Variants in CAMK1D observed in about 807,000 individuals in gnomAD.
CAMK1D encodes the protein calcium/calmodulin-dependent protein kinase type 1D.
In CAMK1D, 9 loss-of-function variants were observed where a neutral mutation model predicts 47.7. That is an observed-to-expected ratio of 0.19 (90% CI 0.11 to 0.33). The LOEUF is 0.33. Ranked by LOEUF, CAMK1D falls within the 10% of genes least tolerant of loss-of-function variation. The pLI, the probability that CAMK1D is intolerant of heterozygous loss-of-function variation, is 1.00. For synonymous variants in CAMK1D, 184 were observed against 184.9 expected (o/e 0.99, Z 0.04); for missense variants, 291 against 488.7 (o/e 0.60, Z 3.81).
At position 12,644,319 on chromosome 10, in the gene CAMK1D, C is replaced by G. The variant is rs577710005; in HGVS notation, c.225-22417C>G. On this transcript the variant is annotated intron_variant, in intron 2 of 10. Transcript: ENST00000619168. Reference sequence around the variant, plus strand: ...TGTTCCTTTTTCCATTAATGTGAGTCAAAAAAATAAATACAACCCAAACCC... The same window carrying G: ...TGTTCCTTTTTCCATTAATGTGAGTGAAAAAAATAAATACAACCCAAACCC... 2.0e-5 allele frequency among the ~76,000 whole-genome samples: 3 copies of G among 152,150 alleles called. No homozygotes were observed. In the East Asian group the frequency reaches 5.8e-4, roughly 29 times the overall value.
At chr10:12,735,205 G>A (rs540844332) in intron 3 of CAMK1D, among the ~76,000 whole-genome samples, 24 of 152,296 alleles carry the variant, frequency 1.6e-4, no homozygotes, top group African/African-American at 5.5e-4. Context: ...GGCCGGGCGC[G>A]GTGGCTCACG....
rs74882639 is a variant in CAMK1D at position 12,405,309 on chromosome 10, T to G, written c.92+55399T>G. The stretch of plus-strand genomic sequence containing the variant: ...GCCCATGGTCAGAGATGTGGGGACT[T>G]TGTAAAGTAATATTTCATCTCTAGT... On this transcript the variant is annotated intron_variant, in intron 1 of 10. Coordinates refer to ENST00000619168, the MANE Select transcript of CAMK1D (RefSeq NM_153498.4). Among the ~76,000 whole-genome samples, 1,494 of 152,270 alleles carry G rather than the reference T, an allele frequency of 9.8e-3. 25 individuals carry two copies. The highest frequency in any genetic ancestry group is 0.034 in the African/African-American group (1,402 of 41,534).
At chr10:12,721,545 T>C (rs79035629) in intron 3 of CAMK1D, among the ~76,000 whole-genome samples, 4,436 of 137,110 alleles carry the variant, frequency 0.032, 110 homozygotes, top group African/African-American at 0.076. Context: ...TCCATCCATC[T>C]ATCCATCCAT....
chr10:12,781,984 T>G (rs1396853168), intron 5 of CAMK1D, among the ~76,000 whole-genome samples: 1 of 151,050 alleles, frequency 6.6e-6, no homozygotes, highest in East Asian at 1.9e-4. Flanking sequence ...TTTTTTTTTT[T>G]TTTTTTTTGC....
At chr10:12,417,389 G>A (rs1223009871) in intron 1 of CAMK1D, among the ~76,000 whole-genome samples, 1 of 152,150 alleles carries the variant, frequency 6.6e-6, no homozygotes, top group African/African-American at 2.4e-5. Context: ...AGGAATTTTG[G>A]GGATACTGCT....
chr10:12,717,538 G>A (rs982823306), intron 3 of CAMK1D, among the ~76,000 whole-genome samples: 5 of 151,192 alleles, frequency 3.3e-5, no homozygotes, highest in South Asian at 4.2e-4. Context: ...TTTTCTCCAC[G>A]AAAAAAAGAT....
chr10:12,625,729 A>G (rs1024523479), intron 2 of CAMK1D, among the ~76,000 whole-genome samples: 1 of 151,600 alleles, frequency 6.6e-6, no homozygotes, highest in Non-Finnish European at 1.5e-5. Flanking sequence ...TGCTTTTTTA[A>G]TGTGTGTATT....
chr10:12,406,844 A>G (rs1194954789), intron 1 of CAMK1D, among the ~76,000 whole-genome samples: 1 of 148,516 alleles, frequency 6.7e-6, no homozygotes, highest in Non-Finnish European at 1.5e-5. Flanking sequence ...AGTTGTCCTT[A>G]TGTGGGCTAT....
chr10:12,754,370 C>T (rs1226901126), intron 3 of CAMK1D, among the ~76,000 whole-genome samples: 4 of 152,304 alleles, frequency 2.6e-5, no homozygotes, highest in South Asian at 4.1e-4. Flanking sequence ...CTGGACTACA[C>T]ACCAGATGGA....
At position 12,754,463 on chromosome 10, in the gene CAMK1D, A is replaced by G. The variant is rs77866396; in HGVS notation, c.300-6485A>G. Among the ~76,000 whole-genome samples, 881 of 152,334 alleles carry G rather than the reference A, an allele frequency of 5.8e-3. 7 individuals are homozygous for G. The highest frequency in any genetic ancestry group is 0.02 in the African/African-American group (818 of 41,582). ...AACAAAGCACAATAAAGTAGCAAAC[A>G]TGGTGGGTGGGTTTTCCCCAATAAA... On this transcript the variant is annotated intron_variant, in intron 3 of 10. Coordinates refer to ENST00000619168, the MANE Select transcript of CAMK1D (RefSeq NM_153498.4).
chr10:12,771,397 A>G (rs1216327849), intron 5 of CAMK1D, among the ~76,000 whole-genome samples: 1 of 152,200 alleles, frequency 6.6e-6, no homozygotes, highest in Admixed American at 6.5e-5. Context: ...CCTCAAACTA[A>G]AGGAGATACA....
chr10:12,430,252 G>A (rs1313584134), intron 1 of CAMK1D, among the ~76,000 whole-genome samples: 1 of 152,128 alleles, frequency 6.6e-6, no homozygotes, highest in Non-Finnish European at 1.5e-5. Flanking sequence ...TGAAAAGACG[G>A]ATTGCTCAGC....
chr10:12,380,672 CG>C, intron 1 of CAMK1D, among the ~76,000 whole-genome samples: 1 of 152,218 alleles, frequency 6.6e-6, no homozygotes, highest in Admixed American at 6.5e-5. Flanking sequence ...CTGGCTAACA[CG>C]GTGAAACCCC....
chr10:12,619,631 T>C (rs1011220266), intron 2 of CAMK1D, among the ~76,000 whole-genome samples: 37 of 152,170 alleles, frequency 2.4e-4, no homozygotes, highest in African/African-American at 8.9e-4. Context: ...ATTTTAACAT[T>C]TTAATTTCAA....
rs373119553 is a variant in CAMK1D, at chr10:12,651,928, G to A, written c.225-14808G>A. Among the ~76,000 whole-genome samples the A allele has an allele frequency of 4.0e-4, 61 of 151,882 alleles. No homozygotes were observed. In the East Asian group the frequency reaches 4.5e-3, roughly 11 times the overall value. On this transcript the variant is annotated intron_variant, in intron 2 of 10. Transcript: ENST00000619168. ...CAAGTAGCTGGGACTACAGGTGCCC[G>A]CCACCACGCCCCGCTAATTTTTTTG...
At chr10:12,485,925 A>G (rs902081038) in intron 1 of CAMK1D, among the ~76,000 whole-genome samples, 2 of 152,118 alleles carry the variant, frequency 1.3e-5, no homozygotes, top group African/African-American at 2.4e-5. Context: ...TGTCCATCCC[A>G]GGCTCTGGCT....
chr10:12,790,435 CCTTGAGCTGA>C (rs1378394865), intron 5 of CAMK1D, among the ~76,000 whole-genome samples: 3 of 152,158 alleles, frequency 2.0e-5, no homozygotes, highest in Non-Finnish European at 4.4e-5. Flanking sequence ...AGAAATGTTG[CCTTGAGCTGA>C]CTTGAGGTGA....
In CAMK1D at chr10:12,833,888, A is replaced by G. The variant is rs904163720; in HGVS notation, c.*5001A>G. On this transcript the variant is annotated 3_prime_UTR_variant, in exon 11 of 11. Transcript: ENST00000619168. ...CGAACTTTGCCTTTTCCTTAAACAC[A>G]TTCCAGACCAAACACTGTTCAGTTT... 3 of 145,768 alleles carry G rather than the reference A, an allele frequency of 2.1e-5. No individual in the cohort carries two copies. Among genetic ancestry groups the G allele is most frequent in the African/African-American group, 7.8e-5 (3 of 38,682 alleles). The allele number at this position is 145,768 out of a possible 1,614,324, so 9.0% of individuals were successfully genotyped here.
At position 12,553,296 on chromosome 10, in the gene CAMK1D, C is replaced by G; in HGVS notation, c.164C>G (p.Pro55Arg). The change falls in exon 2 of 11, where the codon CCT becomes CGT. Residue 55 changes from proline (P) to arginine (R), a missense_variant. This residue lies in a region of CAMK1D where 219 missense variants were observed against 424.3 expected (regional missense o/e 0.52). Transcript: ENST00000619168. ...TGKLFAVKCI[P>R]KKALKGKESS... is the part of the protein sequence containing the mutation. ...AAGCTCTTTGCTGTGAAGTGTATCC[C>G]TAAGAAGGCGCTGAAGGGCAAGGAA... The G allele has an allele frequency of 6.2e-7, 1 of 1,614,116 alleles. No homozygotes were observed. Among genetic ancestry groups the G allele is most frequent in the Non-Finnish European group, 8.5e-7 (1 of 1,180,036 alleles).
Sources: allele counts gnomAD v4.1 joint callset (sites outside exome capture counted in the v4.1 genomes callset), GRCh38; gene constraint gnomAD v4.1.1; regional missense constraint gnomAD v4.1.1; transcripts MANE v1.5; gene names NCBI Gene and HGNC (gene_info 2026-07-23, HGNC 2026-07-21).